The following KCNN1 variants were observed in gnomAD, a reference collection of about 807,000 sequenced individuals.
The protein encoded by KCNN1 is potassium calcium-activated channel subfamily N member 1.
In KCNN1, 20 loss-of-function variants were observed where a neutral mutation model predicts 44.7. The observed-to-expected ratio is 0.45, with a 90% confidence interval of 0.32 to 0.65. The LOEUF is 0.65. Ranked by LOEUF, KCNN1 falls within the 30% of genes least tolerant of loss-of-function variation. KCNN1 has a pLI of 0.05. For synonymous variants in KCNN1, 324 were observed against 341.7 expected, an observed-to-expected ratio of 0.95 and a Z score of 0.57; for missense variants, 632 against 785.3, an observed-to-expected ratio of 0.80 and a Z score of 2.33.
intron 9 of KCNN1, among the ~76,000 whole-genome samples, chr19:17,996,381 G>A (rs892644656): frequency 6.6e-6 from 1 of 152,010 alleles, no homozygotes; most frequent in Non-Finnish European, 1.5e-5. Flanking sequence ...AAAGGTGGGC[G>A]GATCACCTGA....
At chr19:17,961,166 A>G (rs1191912936) in intron 2 of KCNN1, among the ~76,000 whole-genome samples, 4 of 149,220 alleles carry the variant, frequency 2.7e-5, no homozygotes, top group African/African-American at 9.9e-5. Flanking sequence ...AGCCTGGGCA[A>G]CAGAGTGAGA....
chr19:17,963,828 C>T (rs544414519), upstream of KCNN1, among the ~76,000 whole-genome samples: 17 of 151,844 alleles, frequency 1.1e-4, 1 homozygote, highest in African/African-American at 3.6e-4. Flanking sequence ...TGGGCTCGAG[C>T]GATCTTCCTG....
chr19:17,952,604 A>G (rs1312981445), intron 1 of KCNN1, among the ~76,000 whole-genome samples: 2 of 152,010 alleles, frequency 1.3e-5, no homozygotes, highest in Admixed American at 1.3e-4. Flanking sequence ...CGCGAGGTGA[A>G]GGTGGGGACA....
intron 7 of KCNN1, 64 bp downstream of exon 7, chr19:17,989,907 GCT>G: frequency 6.2e-7 from 1 of 1,609,640 alleles, no homozygotes. Flanking sequence ...AGCCCTCGCA[GCT>G]CTGTGTGGCC....
At chr19:17,997,039 G>A (rs534652824) in intron 9 of KCNN1, among the ~76,000 whole-genome samples, 3 of 152,332 alleles carry the variant, frequency 2.0e-5, no homozygotes, top group African/African-American at 7.2e-5. Context: ...CCAGAGTGGT[G>A]TCTGCACCCA....
intron 1 of KCNN1, among the ~76,000 whole-genome samples, chr19:17,953,007 C>T (rs1476229344): frequency 3.3e-5 from 5 of 152,162 alleles, no homozygotes; most frequent in Non-Finnish European, 7.3e-5. Flanking sequence ...GCCCCCGCCG[C>T]CGTTTAACCC....
upstream of KCNN1, among the ~76,000 whole-genome samples, chr19:17,966,792 A>G (rs1044314744): frequency 3.3e-5 from 5 of 151,948 alleles, no homozygotes; most frequent in Admixed American, 6.6e-5. Flanking sequence ...CGGGGAGGAC[A>G]GTCCCCAGGC....
rs755405553 is a variant in KCNN1 at position 17,982,029 on chromosome 19, C to T, written c.819C>T (p.Val273=). Residue 273 remains valine (V), a synonymous_variant, in exon 4 of 10, where the codon GTC becomes GTT. Coordinates refer to ENST00000684775, the MANE Select transcript of KCNN1 (RefSeq NM_001386974.1). ...AGATCACCTTCAACACGCGCTTCGTCATGAAGACACTCATGACCATCTGCC... is the reference window on the plus strand; with the variant it reads ...AGATCACCTTCAACACGCGCTTCGTTATGAAGACACTCATGACCATCTGCC... ...LNKITFNTRF[V]MKTLMTICPG... is the part of the protein sequence containing the mutation. 10 of 1,609,908 alleles carry T rather than the reference C, an allele frequency of 6.2e-6. No individual in the cohort carries two copies. The highest frequency in any genetic ancestry group is 7.6e-6 in the Non-Finnish European group (9 of 1,178,382).
intron 1 of KCNN1, among the ~76,000 whole-genome samples, chr19:17,952,782 C>T (rs1335932484): frequency 6.6e-6 from 1 of 152,154 alleles, no homozygotes; most frequent in Non-Finnish European, 1.5e-5. Flanking sequence ...AACCCCCCAC[C>T]TGCCAGCCTA....
chr19:17,972,501 G>A (rs962457322), intron 1 of KCNN1, among the ~76,000 whole-genome samples: 4 of 152,174 alleles, frequency 2.6e-5, no homozygotes, highest in Non-Finnish European at 5.9e-5. Flanking sequence ...CTGCAGAATC[G>A]ATTCTAGATC....
rs76273600 is a variant in KCNN1, at chr19:17,985,411, C to T, written c.1017C>T (p.His339=). Residue 339 remains histidine (H), a synonymous_variant, in exon 5 of 10, where the codon CAC becomes CAT. Transcript: ENST00000684775. ...LSIGYGDMVP[H]TYCGKGVCLL... ...TTGGCTACGGCGACATGGTGCCCCA[C>T]ACCTACTGCGGGAAGGGTGTGTGCC... 2,106 of 1,610,380 alleles carry T rather than the reference C, an allele frequency of 1.3e-3. 1 individual carries two copies. Among genetic ancestry groups the T allele is most frequent in the Non-Finnish European group, 1.6e-3 (1,869 of 1,177,432 alleles).
rs2033122180 is a variant in KCNN1, at chr19:17,999,756, T to C, written c.*1350T>C. The C allele has an allele frequency of 3.0e-6, 1 of 338,648 alleles. No individual in the cohort carries two copies. Among genetic ancestry groups the C allele is most frequent in the Non-Finnish European group, 5.9e-6 (1 of 168,470 alleles). 21.0% of individuals were successfully genotyped at this position (338,648 alleles called of 1,614,324 possible). A position where few individuals can be genotyped will look rare whatever the true frequency, so the allele number is the denominator to read the frequency against. On this transcript the variant is annotated 3_prime_UTR_variant, in exon 10 of 10. Transcript: ENST00000684775. ...CCTGGCTCCTGGGGAGACGACGCTGTGCATAGCCGAGGAGCCCCAGGTCCT... is the reference window on the plus strand; with the variant it reads ...CCTGGCTCCTGGGGAGACGACGCTGCGCATAGCCGAGGAGCCCCAGGTCCT...
chr19:17,990,883 T>A (rs2032770118), intron 7 of KCNN1, among the ~76,000 whole-genome samples: 1 of 151,918 alleles, frequency 6.6e-6, no homozygotes. Context: ...CCCTGAGAAC[T>A]ATTTAATAAA....
In KCNN1 at chr19:17,974,415, T is replaced by G. The variant is rs1438483429; in HGVS notation, c.402+125T>G. The G allele has an allele frequency of 9.0e-7, 1 of 1,105,224 alleles. No individual in the cohort carries two copies. Among genetic ancestry groups the G allele is most frequent in the African/African-American group, 1.6e-5 (1 of 62,082 alleles). The allele number at this position is 1,105,224 out of a possible 1,614,324, so 68.5% of individuals were successfully genotyped here. ...GGGAGTGTTAGGGGGCTCCCGGAGG[T>G]GAGGGCTCCCTGGCCTTCTGCATAC... is the stretch of plus-strand genomic sequence containing the variant. On this transcript the variant is annotated intron_variant, in intron 2 of 9. Transcript: ENST00000684775. This position sits in a 1 kb window ranked among gnomAD's most constrained non-coding sequence, Gnocchi z 7.3.
At position 17,999,981 on chromosome 19, in the gene KCNN1, T is replaced by C; in HGVS notation, c.*1575T>C. 1 of 455,980 alleles carries C rather than the reference T, an allele frequency of 2.2e-6. No individual in the cohort carries two copies. Among genetic ancestry groups the C allele is most frequent in the Non-Finnish European group, 4.4e-6 (1 of 226,762 alleles). 28.2% of individuals were successfully genotyped at this position (455,980 alleles called of 1,614,324 possible). A position where few individuals can be genotyped will look rare whatever the true frequency, so the allele number is the denominator to read the frequency against. On this transcript the variant is annotated 3_prime_UTR_variant, in exon 10 of 10. Coordinates refer to ENST00000684775, the MANE Select transcript of KCNN1 (RefSeq NM_001386974.1). ...CCTCTGGGGCCTTGGTTGTTTCATCTGTAAAATGGGGTGACAGTCTATTTA... is the reference window on the plus strand; with the variant it reads ...CCTCTGGGGCCTTGGTTGTTTCATCCGTAAAATGGGGTGACAGTCTATTTA...
chr19:17,982,184 C>T (rs2032441744), intron 4 of KCNN1, 57 bp downstream of exon 4: 2 of 1,346,008 alleles, frequency 1.5e-6, no homozygotes, highest in Non-Finnish European at 9.9e-7. Flanking sequence ...CCCTGGACCT[C>T]CATGCCCATT....
upstream of KCNN1, among the ~76,000 whole-genome samples, chr19:17,966,854 G>T (rs916919510): frequency 6.6e-6 from 1 of 151,634 alleles, no homozygotes; most frequent in African/African-American, 2.4e-5. Context: ...TTGGGGAGGG[G>T]GTATAGTTAG....
At chr19:17,967,377 G>A (rs4808107) in intron 1 of KCNN1, 60 bp downstream of exon 1, 173,349 of 913,940 alleles carry the variant, frequency 0.19, 16,925 homozygotes, top group African/African-American at 0.32. Context: ...CAGGGAGCCC[G>A]AGGAGGGAGG....
chr19:17,957,812 C>A (rs1483032624), intron 2 of KCNN1, among the ~76,000 whole-genome samples: 1 of 151,988 alleles, frequency 6.6e-6, no homozygotes, highest in Non-Finnish European at 1.5e-5. Context: ...TTTTCAGAAG[C>A]CCTGTGGCTG....
Sources: gnomAD v4.1 joint callset for allele counts (sites outside exome capture counted in the v4.1 genomes callset) on GRCh38, gnomAD v4.1.1 for gene constraint, Gnocchi (gnomAD v3.1) non-coding constraint, MANE v1.5 for transcripts, NCBI Gene and HGNC (gene_info 2026-07-23, HGNC 2026-07-21) for gene names.